The following KIF1A variants were observed in gnomAD, a reference collection of about 807,000 sequenced individuals.
The protein encoded by KIF1A is kinesin-like protein KIF1A.
KIF1A carries 46 observed loss-of-function variants against 227.3 expected under a neutral mutation model. The ratio of observed to expected loss-of-function variants is 0.20; its 90% CI spans 0.16 to 0.26. KIF1A has a LOEUF of 0.26. Ranked by LOEUF, KIF1A falls within the 10% of genes least tolerant of loss-of-function variation. The pLI is 1.00. For missense variants in KIF1A, 1,683 were observed against 2,485.9 expected (o/e 0.68, Z 6.87); for synonymous variants, 1,022 against 1,012.8 (o/e 1.01, Z -0.17).
Position 240,767,212 on chromosome 2 carries a change from C to T in KIF1A, c.1577+54G>A, listed in dbSNP as rs2051316081. On this transcript the variant is annotated intron_variant, in intron 18 of 48. Transcript: ENST00000498729. Reference sequence around the variant, plus strand: ...CAGGAATGGGGAGTCCAGCCTTCCCCTGCCAGATCCCAGGGCCTGGCCAGG... The same window carrying T: ...CAGGAATGGGGAGTCCAGCCTTCCCTTGCCAGATCCCAGGGCCTGGCCAGG... The T allele has an allele frequency of 6.8e-6, 10 of 1,476,496 alleles. No individual in the cohort carries two copies. The South Asian group carries it at 1.2e-4, about 17-fold the overall frequency. 91.5% of individuals were successfully genotyped at this position (1,476,496 alleles called of 1,614,324 possible).
chr2:240,794,025 G>T (rs2056073214), intron 2 of KIF1A, among the ~76,000 whole-genome samples: 1 of 152,244 alleles, frequency 6.6e-6, no homozygotes. Flanking sequence ...TCCTGTGAGT[G>T]CTCCTGGCAG....
intron 1 of KIF1A, among the ~76,000 whole-genome samples, chr2:240,798,613 G>A (rs2056657830): frequency 6.6e-6 from 1 of 152,190 alleles, no homozygotes; most frequent in African/African-American, 2.4e-5. Flanking sequence ...AAATGATTTG[G>A]CCTCTCGGGT....
At chr2:240,742,271 GC>G in intron 34 of KIF1A, among the ~76,000 whole-genome samples, 1 of 152,282 alleles carries the variant, frequency 6.6e-6, no homozygotes, top group Middle Eastern at 3.4e-3. Flanking sequence ...TCTCACACAG[GC>G]CCCTACCCTC....
intron 10 of KIF1A, among the ~76,000 whole-genome samples, chr2:240,780,185 C>T (rs961007050): frequency 6.6e-6 from 1 of 152,036 alleles, no homozygotes; most frequent in Non-Finnish European, 1.5e-5. Flanking sequence ...ATGCCTTTCC[C>T]AGCAGCCACC....
chr2:240,734,440 G>A (rs1318715332), intron 38 of KIF1A, among the ~76,000 whole-genome samples: 1 of 152,166 alleles, frequency 6.6e-6, no homozygotes, highest in Non-Finnish European at 1.5e-5. Context: ...GTCTACTAGG[G>A]AGCAGGAAAC....
rs34158686 is a variant in KIF1A at position 240,781,463 on chromosome 2, C to CCACA, written c.882+1123_882+1126dup. ...CACACACACACACACACACACAGCTCCACACACACACACACACACACACAG... is the reference window on the plus strand; with the variant it reads ...CACACACACACACACACACACAGCTCCACACACACACACACACACACACACACAG... On this transcript the variant is annotated intron_variant, in intron 10 of 48. Transcript: ENST00000498729. Among the ~76,000 whole-genome samples the CCACA allele has an allele frequency of 1.5e-3, 44 of 28,600 alleles. 5 individuals carry two copies. The highest frequency in any genetic ancestry group is 2.4e-3 in the Non-Finnish European group (35 of 14,612). 18.8% of individuals were successfully genotyped at this position (28,600 alleles called of 152,430 possible).
chr2:240,741,355 T>C lies in KIF1A; in HGVS notation c.3663A>G (p.Thr1221=). 1 of 1,583,650 alleles carries C rather than the reference T, an allele frequency of 6.3e-7. No homozygotes were observed. ...SKPVPATKLS[T]LTRPCPGPCH... ...AGGGTCCCGGACAGGGCCGCGTCAG[T>C]GTGCTGAGCTTGGTGGCGGGCACTG... The change falls in exon 35 of 49, where the codon ACA becomes ACG. Residue 1221 remains threonine, a synonymous_variant. Transcript: ENST00000498729.
chr2:240,774,619 C>T (rs1341364561), intron 11 of KIF1A, among the ~76,000 whole-genome samples: 1 of 152,006 alleles, frequency 6.6e-6, no homozygotes, highest in Non-Finnish European at 1.5e-5. Context: ...CATTTATGTT[C>T]AATATTTTTT....
rs1309731126 is a variant in KIF1A at position 240,766,179 on chromosome 2, C to T, written c.1685-386G>A. On this transcript the variant is annotated intron_variant, in intron 19 of 48. Transcript: ENST00000498729. This position sits in a 1 kb window ranked among gnomAD's most constrained non-coding sequence, Gnocchi z 5.0. ...TGCAGTCAGAGAATTCCAGGAGAGC[C>T]AATCGTCCCAACACCACTTAGGGCC... Among the ~76,000 whole-genome samples the T allele has an allele frequency of 4.6e-5, 7 of 152,008 alleles. No individual in the cohort carries two copies. The highest frequency in any genetic ancestry group is 4.1e-4 in the South Asian group (2 of 4,828).
At chr2:240,776,416 A>G (rs2052732210) in intron 10 of KIF1A, among the ~76,000 whole-genome samples, 1 of 152,124 alleles carries the variant, frequency 6.6e-6, no homozygotes, top group Admixed American at 6.5e-5. Context: ...CCCTTCACCC[A>G]GAGTTCACCC....
chr2:240,759,095 T>G (rs2050200630), intron 25 of KIF1A, among the ~76,000 whole-genome samples: 1 of 151,650 alleles, frequency 6.6e-6, no homozygotes, highest in Admixed American at 6.6e-5. Flanking sequence ...GGAGGGTGAG[T>G]GTGGGAGTGT....
At chr2:240,747,418 G>T in intron 28 of KIF1A, 97 bp from the exon 29 acceptor site, 1 of 868,416 alleles carries the variant, frequency 1.2e-6, no homozygotes, top group East Asian at 2.6e-5. Context: ...CAAAGTGAGG[G>T]CACAGGAGCC....
Position 240,766,804 on chromosome 2 carries a change from G to C in KIF1A, c.1684+111C>G. ...ACACACACGTCCTGCCTAGAAGTAT[G>C]ACTCGCGACCCACTTAGTGCTGGGT... On this transcript the variant is annotated intron_variant, in intron 19 of 48. Transcript: ENST00000498729. The surrounding 1 kb of genome is among the most constrained non-coding windows in gnomAD (Gnocchi z 5.0). 1 of 541,712 alleles carries C rather than the reference G, an allele frequency of 1.8e-6. No individual in the cohort carries two copies. The highest frequency in any genetic ancestry group is 3.3e-6 in the Non-Finnish European group (1 of 300,798). The allele number at this position is 541,712 out of a possible 1,614,324, so 33.6% of individuals were successfully genotyped here. A position where few individuals can be genotyped will look rare whatever the true frequency, so the allele number is the denominator to read the frequency against.
intron 22 of KIF1A, 99 bp from the exon 23 acceptor site, chr2:240,762,911 A>C (rs2050702887): frequency 9.5e-6 from 13 of 1,372,782 alleles, no homozygotes; most frequent in Admixed American, 2.2e-5. Flanking sequence ...CACTGTTTAG[A>C]TGCAAGAGAT....
chr2:240,782,427 G>A (rs2054180192), intron 10 of KIF1A, among the ~76,000 whole-genome samples, 163 bp downstream of exon 10: 1 of 152,028 alleles, frequency 6.6e-6, no homozygotes, highest in Admixed American at 6.5e-5. Flanking sequence ...CACCGCACGG[G>A]GCCTCCCACA....
chr2:240,813,698 GA>G (rs1258920535), intron 1 of KIF1A, among the ~76,000 whole-genome samples: 3 of 151,732 alleles, frequency 2.0e-5, no homozygotes, highest in African/African-American at 7.3e-5. Flanking sequence ...GCTCTGGTCA[GA>G]ACCACTCCGG....
intron 2 of KIF1A, among the ~76,000 whole-genome samples, chr2:240,797,057 C>A (rs1388065221): frequency 2.0e-5 from 3 of 152,222 alleles, no homozygotes; most frequent in African/African-American, 7.2e-5. Context: ...CCTGTGACGG[C>A]AGCAGCAGTT....
chr2:240,740,444 A>G lies in KIF1A; in HGVS notation c.3750-80T>C. The G allele has an allele frequency of 8.2e-7, 1 of 1,226,112 alleles. No homozygotes were observed. The highest frequency in any genetic ancestry group is 1.3e-5 in the South Asian group (1 of 78,922). 76.0% of individuals were successfully genotyped at this position (1,226,112 alleles called of 1,614,324 possible). ...CGCAGCACAGGACACAGTGGACGGGAGCAAAAACAGGGAAAAGTCAGCAGC... is the reference window on the plus strand; with the variant it reads ...CGCAGCACAGGACACAGTGGACGGGGGCAAAAACAGGGAAAAGTCAGCAGC... On this transcript the variant is annotated intron_variant, in intron 35 of 48. Transcript: ENST00000498729. The surrounding 1 kb of genome is among the most constrained non-coding windows in gnomAD (Gnocchi z 6.1).
At chr2:240,738,743 TG>T (rs2047635057) in intron 37 of KIF1A, among the ~76,000 whole-genome samples, 1 of 152,276 alleles carries the variant, frequency 6.6e-6, no homozygotes, top group East Asian at 1.9e-4. Flanking sequence ...AGAAAGAAGG[TG>T]GGGAGAAGGT....
Sources: gnomAD v4.1 joint callset for allele counts (sites outside exome capture counted in the v4.1 genomes callset) on GRCh38, gnomAD v4.1.1 for gene constraint, Gnocchi (gnomAD v3.1) non-coding constraint, MANE v1.5 for transcripts, NCBI Gene and HGNC (gene_info 2026-07-23, HGNC 2026-07-21) for gene names.